SPATS2: variants seen among roughly 807,000 people sequenced by gnomAD.
The protein encoded by SPATS2 is spermatogenesis associated serine rich 2, also known as spermatogenesis-associated serine-rich protein 2.
In SPATS2, 38 loss-of-function variants were observed where a neutral mutation model predicts 63.7. That is an observed-to-expected ratio of 0.60 (90% CI 0.46 to 0.78). The LOEUF is 0.78. Ranked by LOEUF, SPATS2 falls within the 30% of genes least tolerant of loss-of-function variation. The pLI is 0.00. For missense variants in SPATS2, 588 were observed against 666.2 expected (o/e 0.88, Z 1.29); for synonymous variants, 207 against 232.9 (o/e 0.89, Z 1.01).
chr12:49,452,445 G>A (rs376646080), intron 2 of SPATS2, among the ~76,000 whole-genome samples: 39 of 152,166 alleles, frequency 2.6e-4, no homozygotes, highest in East Asian at 1.4e-3. Flanking sequence ...ACACCTGGCC[G>A]ATTTTTAATT....
At chr12:49,514,011 G>C (rs1339272117) in intron 9 of SPATS2, among the ~76,000 whole-genome samples, 1 of 152,036 alleles carries the variant, frequency 6.6e-6, no homozygotes, top group Non-Finnish European at 1.5e-5. Context: ...AAAAAAAATA[G>C]ACGAGCGTGG....
chr12:49,392,681 C>G (rs1208884628), intron 2 of SPATS2, among the ~76,000 whole-genome samples: 2 of 151,958 alleles, frequency 1.3e-5, no homozygotes, highest in Non-Finnish European at 2.9e-5. Flanking sequence ...CCACTGCACT[C>G]CAGCGCCTAG....
chr12:49,452,668 C>G (rs1417441922), intron 2 of SPATS2, among the ~76,000 whole-genome samples: 1 of 152,034 alleles, frequency 6.6e-6, no homozygotes, highest in Non-Finnish European at 1.5e-5. Flanking sequence ...TTCTTCCACT[C>G]TAGTATTCAT....
intron 1 of SPATS2, among the ~76,000 whole-genome samples, chr12:49,368,116 G>A (rs533524794): frequency 1.3e-5 from 2 of 152,232 alleles, no homozygotes; most frequent in South Asian, 4.1e-4. Context: ...AAATAGATGT[G>A]GTTAGGACTT....
chr12:49,411,462 T>A (rs1248173648), intron 2 of SPATS2, among the ~76,000 whole-genome samples: 1 of 152,176 alleles, frequency 6.6e-6, no homozygotes, highest in African/African-American at 2.4e-5. Flanking sequence ...CATGAGTAAA[T>A]AAATATTTTT....
At chr12:49,509,302 A>T (rs1467579813) in intron 9 of SPATS2, among the ~76,000 whole-genome samples, 1 of 101,374 alleles carries the variant, frequency 9.9e-6, no homozygotes, top group Non-Finnish European at 1.8e-5. Context: ...TTTTTTTGAG[A>T]CAGAGTCTCG....
At position 49,441,345 on chromosome 12, in the gene SPATS2, A is replaced by C. The variant is rs573972653; in HGVS notation, c.-243-19425A>C. 9.8e-5 allele frequency among the ~76,000 whole-genome samples: 15 copies of C among 152,294 alleles called. No homozygotes were observed. In the South Asian group the frequency reaches 2.7e-3, roughly 27 times the overall value. ...TCTCAAGTACCATAATCCATCAAGT[A>C]TCTCTTCTCGTTCAGATCTTCAATC... On this transcript the variant is annotated intron_variant, in intron 2 of 13. Transcript: ENST00000552918.
intron 2 of SPATS2, among the ~76,000 whole-genome samples, chr12:49,401,156 A>G (rs1944598869): frequency 6.6e-6 from 1 of 152,024 alleles, no homozygotes; most frequent in African/African-American, 2.4e-5. Flanking sequence ...AACTATAGCC[A>G]AGTACCACCA....
intron 2 of SPATS2, among the ~76,000 whole-genome samples, chr12:49,436,710 T>C (rs1325206661): frequency 6.0e-4 from 65 of 108,894 alleles, no homozygotes; most frequent in Middle Eastern, 7.9e-3. Context: ...ACCTCCCGGA[T>C]GGGGCGGCTG....
At chr12:49,500,296 T>C (rs1946543008) in intron 9 of SPATS2, 91 bp downstream of exon 9, 4 of 1,360,478 alleles carry the variant, frequency 2.9e-6, no homozygotes, top group Non-Finnish European at 2.0e-6. Context: ...CATTCATTCA[T>C]GACTAACTAC....
intron 4 of SPATS2, among the ~76,000 whole-genome samples, chr12:49,485,089 C>T (rs1457367669): frequency 3.5e-5 from 5 of 142,522 alleles, no homozygotes; most frequent in Non-Finnish European, 4.5e-5. Flanking sequence ...TTTTTTGAGA[C>T]GGAGTCTCGC....
chr12:49,470,781 G>A (rs1203166285), intron 3 of SPATS2, among the ~76,000 whole-genome samples: 1 of 152,166 alleles, frequency 6.6e-6, no homozygotes, highest in African/African-American at 2.4e-5. Flanking sequence ...AGAGACTTGT[G>A]AAATATCATT....
At chr12:49,391,026 A>G (rs1944408875) in intron 2 of SPATS2, among the ~76,000 whole-genome samples, 1 of 152,166 alleles carries the variant, frequency 6.6e-6, no homozygotes, top group Non-Finnish European at 1.5e-5. Flanking sequence ...GGTAATTTCA[A>G]AGTGAATTGG....
At chr12:49,504,616 A>G (rs764314789) in intron 9 of SPATS2, among the ~76,000 whole-genome samples, 25 of 152,170 alleles carry the variant, frequency 1.6e-4, no homozygotes, top group Non-Finnish European at 3.1e-4. Context: ...AAAAGGAGAA[A>G]TGGGTAAGAG....
chr12:49,452,461 T>C lies in SPATS2; in HGVS notation c.-243-8309T>C, dbSNP rs1056045034. 2.0e-4 allele frequency among the ~76,000 whole-genome samples: 30 copies of C among 152,286 alleles called. No individual in the cohort carries two copies. The East Asian group carries it at 3.5e-3, about 18-fold the overall frequency. On this transcript the variant is annotated intron_variant, in intron 2 of 13. Transcript: ENST00000552918. Reference sequence around the variant, plus strand: ...CACCTGGCCGATTTTTAATTTCTTATAGAGACAGCGTCTCACTGTGTTGCT... The same window carrying C: ...CACCTGGCCGATTTTTAATTTCTTACAGAGACAGCGTCTCACTGTGTTGCT...
At chr12:49,439,988 T>C (rs894827644) in intron 2 of SPATS2, among the ~76,000 whole-genome samples, 3 of 152,196 alleles carry the variant, frequency 2.0e-5, no homozygotes, top group Admixed American at 2.0e-4. Context: ...TATGCAGCAA[T>C]AGGTTTTTAA....
chr12:49,504,240 T>G (rs1439289510), intron 9 of SPATS2, among the ~76,000 whole-genome samples: 1 of 152,178 alleles, frequency 6.6e-6, no homozygotes, highest in African/African-American at 2.4e-5. Flanking sequence ...TACAGATAAC[T>G]CCTTTCACTT....
At chr12:49,442,901 T>G (rs1945447997) in intron 2 of SPATS2, among the ~76,000 whole-genome samples, 1 of 147,488 alleles carries the variant, frequency 6.8e-6, no homozygotes. Flanking sequence ...TTAAACATCC[T>G]CACTCTCTCC....
At chr12:49,410,713 C>G (rs1447279173) in intron 2 of SPATS2, among the ~76,000 whole-genome samples, 1 of 152,062 alleles carries the variant, frequency 6.6e-6, no homozygotes, top group Admixed American at 6.5e-5. Context: ...TACGTTTATT[C>G]CTCTGTTAGA....
Sources: allele counts gnomAD v4.1 joint callset (sites outside exome capture counted in the v4.1 genomes callset), GRCh38; gene constraint gnomAD v4.1.1; transcripts MANE v1.5; gene names NCBI Gene and HGNC (gene_info 2026-07-23, HGNC 2026-07-21).